The following EMID1 variants were observed in gnomAD, a reference collection of about 807,000 sequenced individuals.
EMID1 encodes the protein EMI domain containing 1.
A neutral mutation model predicts 60.6 loss-of-function variants in EMID1; 40 were observed. The observed-to-expected ratio is 0.66, with a 90% CI of 0.51 to 0.86. The LOEUF (loss-of-function observed/expected upper bound fraction) is 0.86, where lower values mean the gene tolerates loss of function less well. EMID1 is among the 40% of genes least tolerant of loss of function. The pLI is 0.00. For missense variants in EMID1, 585 were observed against 597.1 expected (o/e 0.98, Z 0.21); for synonymous variants, 242 against 231.0 (o/e 1.05, Z -0.43).
At chr22:29,226,575 G>T (rs1200226618) in intron 5 of EMID1, 24 bp downstream of exon 5, 7 of 1,605,208 alleles carry the variant, frequency 4.4e-6, no homozygotes, top group Non-Finnish European at 6.0e-6. Context: ...TCCCTCCTGG[G>T]TGGTTGTTCC....
chr22:29,244,650 AAG>A (rs1473909704), intron 13 of EMID1, among the ~76,000 whole-genome samples: 99 of 119,682 alleles, frequency 8.3e-4, no homozygotes, highest in Non-Finnish European at 1.3e-3. Flanking sequence ...AAAAAAAAAA[AAG>A]AAAAGAAAAG....
intron 8 of EMID1, chr22:29,232,680 C>T (rs528009329): frequency 7.7e-5 from 30 of 391,510 alleles, no homozygotes; most frequent in Admixed American, 7.5e-4. Context: ...TTAGAGCCAC[C>T]GGGCATCAGG....
At chr22:29,220,885 C>T (rs765196399) in intron 3 of EMID1, among the ~76,000 whole-genome samples, 13 of 152,064 alleles carry the variant, frequency 8.5e-5, no homozygotes, top group Admixed American at 2.0e-4. Flanking sequence ...GGGCCCAGGG[C>T]TAGAAACTAC....
chr22:29,206,153 G>A lies in EMID1; in HGVS notation c.101+14G>A. Reference sequence around the variant, plus strand: ...CTCCGGACGCAGGTAAGAGCTCCCGGCGCCTTTGCACCCCGCTGGCCGAGG... The same window carrying A: ...CTCCGGACGCAGGTAAGAGCTCCCGACGCCTTTGCACCCCGCTGGCCGAGG... On this transcript the variant is annotated intron_variant, in intron 1 of 14. Transcript: ENST00000334018. The A allele has an allele frequency of 8.1e-7, 1 of 1,229,382 alleles. No homozygotes were observed. Among genetic ancestry groups the A allele is most frequent in the Non-Finnish European group, 1.0e-6 (1 of 986,050 alleles). The allele number at this position is 1,229,382 out of a possible 1,614,324, so 76.2% of individuals were successfully genotyped here.
Position 29,216,944 on chromosome 22 carries a change from C to T in EMID1, c.319+1314C>T, listed in dbSNP as rs574598746. Among the ~76,000 whole-genome samples, 145 of 152,308 alleles carry T rather than the reference C, an allele frequency of 9.5e-4. 1 individual carries two copies. The highest frequency in any genetic ancestry group is 2.4e-3 in the Admixed American group (36 of 15,306). On this transcript the variant is annotated intron_variant, in intron 3 of 14. Coordinates refer to ENST00000334018, the MANE Select transcript of EMID1 (RefSeq NM_133455.4). The stretch of plus-strand genomic sequence containing the variant: ...TGGGAGGCTGGAGCGGGTGGACAGA[C>T]GTTTGAAGGGGAGCCAGGAACAGCA...
rs1442258275 is a variant in EMID1, at chr22:29,231,697, T to G, written c.676+15T>G. 2 of 1,447,146 alleles carry G rather than the reference T, an allele frequency of 1.4e-6. No homozygotes were observed. The highest frequency in any genetic ancestry group is 2.9e-5 in the African/African-American group (2 of 69,754). The allele number at this position is 1,447,146 out of a possible 1,614,324, so 89.6% of individuals were successfully genotyped here. On this transcript the variant is annotated intron_variant, in intron 7 of 14. Coordinates refer to ENST00000334018, the MANE Select transcript of EMID1 (RefSeq NM_133455.4). Reference sequence around the variant, plus strand: ...AGGCCCACCAGGTGAGTGCCCGCAATGCTGCCCCACAGCTCCTCTGGCCAT... The same window carrying G: ...AGGCCCACCAGGTGAGTGCCCGCAAGGCTGCCCCACAGCTCCTCTGGCCAT...
chr22:29,244,202 A>T (rs1174778900), intron 13 of EMID1, among the ~76,000 whole-genome samples: 1 of 152,196 alleles, frequency 6.6e-6, no homozygotes, highest in East Asian at 1.9e-4. Context: ...AAACTCTCAC[A>T]TATACAGGAG....
chr22:29,233,187 T>C, intron 8 of EMID1, 192 bp from the exon 9 acceptor site: 1 of 644,160 alleles, frequency 1.6e-6, no homozygotes, highest in East Asian at 2.6e-5. Flanking sequence ...AGAACCCACA[T>C]CTCCCTGCCT....
intron 13 of EMID1, among the ~76,000 whole-genome samples, chr22:29,245,395 G>A (rs945510263): frequency 2.0e-5 from 3 of 152,200 alleles, no homozygotes; most frequent in Non-Finnish European, 4.4e-5. Flanking sequence ...TCCCCGGCAG[G>A]ATGCCCTGGC....
chr22:29,236,810 T>C (rs367849263), intron 12 of EMID1, among the ~76,000 whole-genome samples: 7 of 152,140 alleles, frequency 4.6e-5, no homozygotes, highest in East Asian at 1.9e-4. Context: ...TTTTTTTTAT[T>C]TTTTGAGGCA....
At chr22:29,210,714 G>A (rs1391328815) in intron 1 of EMID1, among the ~76,000 whole-genome samples, 2 of 152,116 alleles carry the variant, frequency 1.3e-5, no homozygotes, top group Admixed American at 6.5e-5. Context: ...GGAAGAAGAA[G>A]GAAAAATACT....
chr22:29,211,670 A>G (rs1239717960), intron 1 of EMID1, among the ~76,000 whole-genome samples: 1 of 152,232 alleles, frequency 6.6e-6, no homozygotes, highest in African/African-American at 2.4e-5. Flanking sequence ...TTGCGTGTGC[A>G]GGCACTGTGT....
chr22:29,246,488 T>C (rs923844740), intron 13 of EMID1, among the ~76,000 whole-genome samples: 7 of 152,046 alleles, frequency 4.6e-5, no homozygotes, highest in African/African-American at 1.7e-4. Flanking sequence ...TGGGAGCCAG[T>C]GAGGACAGAC....
chr22:29,206,125 G>C lies in EMID1; in HGVS notation c.87G>C (p.Pro29=). 2 of 1,230,626 alleles carry C rather than the reference G, an allele frequency of 1.6e-6. No homozygotes were observed. The highest frequency in any genetic ancestry group is 8.2e-5 in the South Asian group (2 of 24,312). The allele number at this position is 1,230,626 out of a possible 1,614,324, so 76.2% of individuals were successfully genotyped here. A position where few individuals can be genotyped will look rare whatever the true frequency, so the allele number is the denominator to read the frequency against. ...CTGCGTGGAGCATCGGGGCAGCTCCGTTCTCCGGACGCAGGTAAGAGCTCC... is the reference window on the plus strand; with the variant it reads ...CTGCGTGGAGCATCGGGGCAGCTCCCTTCTCCGGACGCAGGTAAGAGCTCC... ...GGAAWSIGAA[P]FSGRRNWCSY... is the part of the protein sequence containing the mutation. Residue 29 remains proline (P), a synonymous_variant, in exon 1 of 15, where the codon CCG becomes CCC. Coordinates refer to ENST00000334018, the MANE Select transcript of EMID1 (RefSeq NM_133455.4).
At chr22:29,220,083 C>G (rs2040235957) in intron 3 of EMID1, among the ~76,000 whole-genome samples, 1 of 152,116 alleles carries the variant, frequency 6.6e-6, no homozygotes, top group South Asian at 2.1e-4. Context: ...GCTGCCTCCT[C>G]CACTCTCTCA....
chr22:29,238,954 G>A (rs2041060846), intron 12 of EMID1, among the ~76,000 whole-genome samples: 1 of 144,184 alleles, frequency 6.9e-6, no homozygotes, highest in Admixed American at 6.8e-5. Flanking sequence ...GTGGTTTGGT[G>A]TCTGACATTT....
intron 13 of EMID1, chr22:29,253,963 C>A (rs1433300704): frequency 1.0e-6 from 1 of 985,336 alleles, no homozygotes; most frequent in Non-Finnish European, 1.2e-6. Flanking sequence ...CAGAGAGCAG[C>A]CAGCTGGGAT....
At chr22:29,244,380 C>A (rs561688170) in intron 13 of EMID1, among the ~76,000 whole-genome samples, 1 of 152,050 alleles carries the variant, frequency 6.6e-6, no homozygotes, top group Admixed American at 6.6e-5. Context: ...AACTTGAGGT[C>A]AGGAGTTTGA....
At chr22:29,213,657 C>T (rs544921086) in intron 1 of EMID1, among the ~76,000 whole-genome samples, 3 of 152,242 alleles carry the variant, frequency 2.0e-5, no homozygotes, top group Admixed American at 1.3e-4. Context: ...GCCCTCAGCC[C>T]TGCACAGGGT....
Sources: allele counts gnomAD v4.1 joint callset (sites outside exome capture counted in the v4.1 genomes callset), GRCh38; gene constraint gnomAD v4.1.1; transcripts MANE v1.5; gene names NCBI Gene and HGNC (gene_info 2026-07-23, HGNC 2026-07-21).